Variants in IGDCC3 observed in about 807,000 individuals in gnomAD.
IGDCC3 encodes the protein putative neuronal cell adhesion molecule.
IGDCC3 carries 47 observed loss-of-function variants against 72.0 expected under a neutral mutation model. The ratio of observed to expected loss-of-function variants is 0.65; its 90% CI spans 0.52 to 0.83. IGDCC3 has a LOEUF of 0.83. Ranked by LOEUF, IGDCC3 falls within the 40% of genes least tolerant of loss-of-function variation. IGDCC3 has a pLI of 0.00. For synonymous variants in IGDCC3, 477 were observed against 472.8 expected (o/e 1.01, Z -0.11); for missense variants, 1,038 against 1,091.3 (o/e 0.95, Z 0.69).
At position 65,331,927 on chromosome 15, in the gene IGDCC3, C is replaced by T; in HGVS notation, c.1148+14G>A. 6.2e-7 allele frequency: 1 copy of T among 1,610,196 alleles called. No individual in the cohort carries two copies. Among genetic ancestry groups the T allele is most frequent in the Non-Finnish European group, 8.5e-7 (1 of 1,178,720 alleles). The stretch of plus-strand genomic sequence containing the variant: ...CTCCCCTGGTCCTCACCCCAGCACA[C>T]ACCACACACATACCTGTTGTTATTC... On this transcript the variant is annotated intron_variant, in intron 7 of 13. Transcript: ENST00000327987.
At chr15:65,373,951 A>G (rs1158195747) in intron 2 of IGDCC3, 1 of 152,188 alleles carries the variant, frequency 6.6e-6, no homozygotes, top group African/African-American at 2.4e-5. Context: ...CCCGGCAAAC[A>G]TGGTGAAACC....
chr15:65,333,099 G>A (rs576311065), intron 6 of IGDCC3, among the ~76,000 whole-genome samples, 158 bp downstream of exon 6: 8 of 152,378 alleles, frequency 5.3e-5, no homozygotes, highest in Non-Finnish European at 1.0e-4. Context: ...CGGGAAGAAC[G>A]CACCGCCTTT....
At chr15:65,340,284 G>A (rs2091068384) in intron 2 of IGDCC3, among the ~76,000 whole-genome samples, 1 of 152,144 alleles carries the variant, frequency 6.6e-6, no homozygotes, top group African/African-American at 2.4e-5. Context: ...AGGCTCCAGG[G>A]GGAGGTGGGG....
Position 65,329,168 on chromosome 15 carries a change from C to A in IGDCC3, c.2206-20G>T. The A allele has an allele frequency of 6.3e-7, 1 of 1,593,124 alleles. No homozygotes were observed. On this transcript the variant is annotated intron_variant, in intron 13 of 13. Transcript: ENST00000327987. The surrounding 1 kb of genome is among the most constrained non-coding windows in gnomAD (Gnocchi z 4.1). ...ATCCTGCTGGGGAAAGAGCCCGTCA[C>A]ACAGGCGTCAGCTTGAGGGCCAGGG...
chr15:65,332,307 C>T (rs553991024), intron 6 of IGDCC3, among the ~76,000 whole-genome samples: 1 of 152,308 alleles, frequency 6.6e-6, no homozygotes. Flanking sequence ...CTCCCTCTTC[C>T]CTCCTCCCCA....
chr15:65,376,936 G>A (rs985460209), intron 1 of IGDCC3, among the ~76,000 whole-genome samples: 2 of 152,132 alleles, frequency 1.3e-5, no homozygotes, highest in African/African-American at 4.8e-5. Context: ...TGGTGACCGA[G>A]CTCCAGGCAG....
intron 3 of IGDCC3, 56 bp downstream of exon 3, chr15:65,335,756 C>G: frequency 6.2e-7 from 1 of 1,602,032 alleles, no homozygotes; most frequent in Non-Finnish European, 8.6e-7. Context: ...TTCTCTACGG[C>G]CAGAGTCACT....
chr15:65,370,359 T>C (rs113757371), intron 2 of IGDCC3, among the ~76,000 whole-genome samples: 18,674 of 150,940 alleles, frequency 0.12, 1,339 homozygotes, highest in African/African-American at 0.18. Context: ...ACTAAAAATA[T>C]AAAAATTAGC....
In IGDCC3 at chr15:65,350,806, G is replaced by A. The variant is rs141933701; in HGVS notation, c.410-14850C>T. Among the ~76,000 whole-genome samples, 687 of 152,262 alleles carry A rather than the reference G, an allele frequency of 4.5e-3. 2 individuals carry two copies. Among genetic ancestry groups the A allele is most frequent in the Non-Finnish European group, 7.3e-3 (495 of 68,028 alleles). ...CACTTCTGCCTGGTGTGTCCTGGGC[G>A]AGGCTCTATACCTAGAGCATAATCA... On this transcript the variant is annotated intron_variant, in intron 2 of 13. Coordinates refer to ENST00000327987, the MANE Select transcript of IGDCC3 (RefSeq NM_004884.4).
At chr15:65,369,203 T>G (rs952962363) in intron 2 of IGDCC3, among the ~76,000 whole-genome samples, 1 of 151,806 alleles carries the variant, frequency 6.6e-6, no homozygotes, top group Non-Finnish European at 1.5e-5. Context: ...CAGGCAGAAA[T>G]AGACTTGGAG....
chr15:65,329,319 AG>A lies in IGDCC3; in HGVS notation c.2205+70del. 1.3e-6 allele frequency: 2 copies of A among 1,495,606 alleles called. No homozygotes were observed. Among genetic ancestry groups the A allele is most frequent in the Non-Finnish European group, 9.0e-7 (1 of 1,105,072 alleles). The allele number at this position is 1,495,606 out of a possible 1,614,324, so 92.6% of individuals were successfully genotyped here. A position where few individuals can be genotyped will look rare whatever the true frequency, so the allele number is the denominator to read the frequency against. ...TGATCGAGGCCCGTGGCCAAGGTGA[AG>A]GGGGGCAGGATTGGAAGGTGGCAGT... is the stretch of plus-strand genomic sequence containing the variant. On this transcript the variant is annotated intron_variant, in intron 13 of 13. Coordinates refer to ENST00000327987, the MANE Select transcript of IGDCC3 (RefSeq NM_004884.4). The surrounding 1 kb of genome is among the most constrained non-coding windows in gnomAD (Gnocchi z 4.1).
chr15:65,365,538 C>T (rs2091284656), intron 2 of IGDCC3, among the ~76,000 whole-genome samples: 1 of 152,138 alleles, frequency 6.6e-6, no homozygotes, highest in South Asian at 2.1e-4. Flanking sequence ...AGACAGGCCC[C>T]AACCAGGGTT....
chr15:65,351,275 G>A (rs112891620), intron 2 of IGDCC3, among the ~76,000 whole-genome samples: 1,537 of 152,284 alleles, frequency 0.01, 25 homozygotes, highest in African/African-American at 0.035. Flanking sequence ...AGTGGCTCAC[G>A]CCTGTAATCC....
intron 2 of IGDCC3, among the ~76,000 whole-genome samples, chr15:65,358,856 C>T (rs189575806): frequency 1.2e-4 from 19 of 152,238 alleles, no homozygotes; most frequent in Non-Finnish European, 2.2e-4. Context: ...GATGAAGTCT[C>T]GCTCTGTCAC....
At chr15:65,367,728 A>G (rs138230538) in intron 2 of IGDCC3, among the ~76,000 whole-genome samples, 1 of 151,932 alleles carries the variant, frequency 6.6e-6, no homozygotes, top group Non-Finnish European at 1.5e-5. Context: ...ACCTAATAAA[A>G]TTATCTATCA....
chr15:65,362,308 C>T (rs921490837), intron 2 of IGDCC3, among the ~76,000 whole-genome samples: 2 of 152,134 alleles, frequency 1.3e-5, no homozygotes, highest in Admixed American at 1.3e-4. Context: ...CCCAAAGTCA[C>T]ACAAAGGTGA....
chr15:65,332,949 C>T (rs569172935), intron 6 of IGDCC3, among the ~76,000 whole-genome samples: 90 of 152,328 alleles, frequency 5.9e-4, no homozygotes, highest in African/African-American at 2.0e-3. Context: ...CACGTGTGAG[C>T]GACACAGGTG....
At position 65,334,765 on chromosome 15, in the gene IGDCC3, C is replaced by CGT; in HGVS notation, c.784_785dup (p.Gly263ArgfsTer36). ...AGGACACAATGGGGCGCGGGTTGCC[C>CGT]GTGGCGACACACTCAAGCACCGCGG... is the stretch of plus-strand genomic sequence containing the variant. On this transcript the variant is annotated frameshift_variant, in exon 5 of 14. Transcript: ENST00000327987. LOFTEE classifies it high-confidence loss of function. 6.2e-7 allele frequency: 1 copy of CGT among 1,601,792 alleles called. No homozygotes were observed. The highest frequency in any genetic ancestry group is 8.5e-7 in the Non-Finnish European group (1 of 1,174,408).
chr15:65,377,689 C>T lies in IGDCC3; in HGVS notation c.100G>A (p.Glu34Lys), dbSNP rs745904670. The T allele has an allele frequency of 2.8e-6, 4 of 1,429,652 alleles. No homozygotes were observed. In the African/African-American group the frequency reaches 4.5e-5, roughly 16 times the overall value. The allele number at this position is 1,429,652 out of a possible 1,614,324, so 88.6% of individuals were successfully genotyped here. Residue 34 changes from glutamate (E) to lysine (K), a missense_variant, in exon 1 of 14, where the codon GAG becomes AAG. By Grantham distance (56) the Glu-to-Lys change is moderately conservative. Coordinates refer to ENST00000327987, the MANE Select transcript of IGDCC3 (RefSeq NM_004884.4). The surrounding 1 kb of genome is among the most constrained non-coding windows in gnomAD (Gnocchi z 4.9). ...LLLLLLPAPSEGLGHSAELAF... is the reference protein window; with the variant it reads ...LLLLLLPAPSKGLGHSAELAF... ...GGTCCGGGGCGCTTTCACTCACCCTCGCTCGGCGCGGGCAGCAGCAGCAAC... is the reference window on the plus strand; with the variant it reads ...GGTCCGGGGCGCTTTCACTCACCCTTGCTCGGCGCGGGCAGCAGCAGCAAC...
Sources: gnomAD v4.1 joint callset for allele counts (sites outside exome capture counted in the v4.1 genomes callset) on GRCh38, gnomAD v4.1.1 for gene constraint, Gnocchi (gnomAD v3.1) non-coding constraint, MANE v1.5 for transcripts, NCBI Gene and HGNC (gene_info 2026-07-23, HGNC 2026-07-21) for gene names.